CTNND2: variants seen among roughly 807,000 people sequenced by gnomAD.
The protein encoded by CTNND2 is catenin delta 2.
Under a neutral mutation model 144.4 loss-of-function variants are expected in CTNND2, and 22 were observed. The observed-to-expected ratio is 0.15, with a 90% confidence interval of 0.11 to 0.22. The LOEUF (loss-of-function observed/expected upper bound fraction) is 0.22. CTNND2 is among the 10% of genes least tolerant of loss of function. CTNND2 has a pLI of 1.00. For synonymous variants in CTNND2, 751 were observed against 695.6 expected, an observed-to-expected ratio of 1.08 and a Z score of -1.25; for missense variants, 1,353 against 1,618.8, an observed-to-expected ratio of 0.84 and a Z score of 2.82.
intron 9 of CTNND2, among the ~76,000 whole-genome samples, chr5:11,278,128 G>A (rs1047485432): frequency 2.0e-5 from 3 of 151,816 alleles, no homozygotes; most frequent in Non-Finnish European, 2.9e-5. Context: ...TGTTCTCCTC[G>A]TCCCTCCCCA....
chr5:11,474,533 C>T (rs1767537864), intron 3 of CTNND2, among the ~76,000 whole-genome samples: 1 of 152,124 alleles, frequency 6.6e-6, no homozygotes, highest in South Asian at 2.1e-4. Flanking sequence ...TCTGGGGCAG[C>T]TTTCAAAAGG....
chr5:11,579,867 C>A (rs573697260), intron 2 of CTNND2, among the ~76,000 whole-genome samples: 19 of 152,194 alleles, frequency 1.2e-4, no homozygotes, highest in Non-Finnish European at 2.4e-4. Context: ...CCACTGGCCT[C>A]CCCGGCTGCG....
At chr5:11,197,101 T>C (rs527452233) in intron 11 of CTNND2, among the ~76,000 whole-genome samples, 57 of 152,346 alleles carry the variant, frequency 3.7e-4, no homozygotes, top group Admixed American at 3.3e-4. Flanking sequence ...CACACTAGAA[T>C]GTTCTCCTAG....
intron 3 of CTNND2, among the ~76,000 whole-genome samples, chr5:11,495,753 A>G (rs887283207): frequency 7.9e-5 from 12 of 152,294 alleles, no homozygotes; most frequent in Non-Finnish European, 1.8e-4. Flanking sequence ...CTTGAAGTTC[A>G]GCTCTTAAGT....
At chr5:11,577,871 C>T (rs1194731840) in intron 2 of CTNND2, among the ~76,000 whole-genome samples, 1 of 152,150 alleles carries the variant, frequency 6.6e-6, no homozygotes, top group Non-Finnish European at 1.5e-5. Context: ...ATGTTTTTGA[C>T]ATTTGAGGGT....
chr5:11,752,475 G>A (rs1788676645), intron 1 of CTNND2, among the ~76,000 whole-genome samples: 1 of 151,056 alleles, frequency 6.6e-6, no homozygotes, highest in Non-Finnish European at 1.5e-5. Flanking sequence ...ATGTCCATTA[G>A]ATGGTTGCAG....
intron 1 of CTNND2, among the ~76,000 whole-genome samples, chr5:11,878,126 G>C (rs2044060130): frequency 6.6e-6 from 1 of 152,104 alleles, no homozygotes; most frequent in Non-Finnish European, 1.5e-5. Flanking sequence ...AACAGAAATT[G>C]TAAAAGCAAT....
intron 15 of CTNND2, among the ~76,000 whole-genome samples, chr5:11,097,654 T>G (rs935511932): frequency 6.6e-6 from 1 of 152,152 alleles, no homozygotes; most frequent in Non-Finnish European, 1.5e-5. Flanking sequence ...TACATAATGT[T>G]GAGGCCAGGG....
intron 2 of CTNND2, among the ~76,000 whole-genome samples, chr5:11,651,990 G>A (rs1356315958): frequency 1.3e-5 from 2 of 152,160 alleles, no homozygotes; most frequent in East Asian, 1.9e-4. Flanking sequence ...TCAGACTTGG[G>A]GGACTGTTGA....
chr5:11,487,348 TTTTCC>T (rs1186213095), intron 3 of CTNND2, among the ~76,000 whole-genome samples: 3 of 152,224 alleles, frequency 2.0e-5, no homozygotes, highest in African/African-American at 7.2e-5. Context: ...TAGTGTCATG[TTTTCC>T]TTTATGTCCA....
At chr5:11,198,904 T>C (rs1315611442) in intron 11 of CTNND2, among the ~76,000 whole-genome samples, 1 of 152,222 alleles carries the variant, frequency 6.6e-6, no homozygotes, top group Non-Finnish European at 1.5e-5. Flanking sequence ...GTGGCTACTA[T>C]AATTATCTCC....
chr5:11,523,069 G>C (rs1772901142), intron 3 of CTNND2, among the ~76,000 whole-genome samples: 1 of 152,138 alleles, frequency 6.6e-6, no homozygotes, highest in Non-Finnish European at 1.5e-5. Flanking sequence ...GAATATGCAA[G>C]TTTTTCTACA....
intron 2 of CTNND2, among the ~76,000 whole-genome samples, chr5:11,726,729 A>G (rs976858179): frequency 3.3e-5 from 5 of 152,224 alleles, no homozygotes; most frequent in East Asian, 1.9e-4. Flanking sequence ...AATCTAGCAT[A>G]TAACACCCTA....
At chr5:11,575,286 C>A (rs1777892065) in intron 2 of CTNND2, among the ~76,000 whole-genome samples, 1 of 152,110 alleles carries the variant, frequency 6.6e-6, no homozygotes, top group South Asian at 2.1e-4. Context: ...TGGATGGATG[C>A]CTTACTTGAC....
chr5:11,733,953 G>T (rs529103656), intron 1 of CTNND2, among the ~76,000 whole-genome samples: 1 of 152,216 alleles, frequency 6.6e-6, no homozygotes, highest in African/African-American at 2.4e-5. Context: ...TAGGAGGAGG[G>T]GCCTTTGAGA....
chr5:11,066,412 G>A (rs1157283066), intron 16 of CTNND2, among the ~76,000 whole-genome samples: 1 of 152,150 alleles, frequency 6.6e-6, no homozygotes, highest in Non-Finnish European at 1.5e-5. Flanking sequence ...TCAATCAATT[G>A]TCAACCAGAA....
chr5:11,124,648 T>C (rs1754490954), intron 12 of CTNND2, among the ~76,000 whole-genome samples: 1 of 152,134 alleles, frequency 6.6e-6, no homozygotes, highest in Non-Finnish European at 1.5e-5. Flanking sequence ...TTTTAAAAAA[T>C]GTAAAACCTG....
At chr5:11,463,678 C>T (rs898278861) in intron 3 of CTNND2, among the ~76,000 whole-genome samples, 17 of 147,668 alleles carry the variant, frequency 1.2e-4, no homozygotes, top group East Asian at 2.0e-4. Flanking sequence ...ACATGGGGTG[C>T]TTCATTAAAA....
rs1010818509 is a variant in CTNND2 at position 10,973,066 on chromosome 5, G to C, written c.*387C>G. ...GATGAAGAGAGTAAACAAAGCGTGA[G>C]AAGCCGTCCCCCACACAGTGTGTAA... On this transcript the variant is annotated 3_prime_UTR_variant, in exon 22 of 22. Coordinates refer to ENST00000304623, the MANE Select transcript of CTNND2 (RefSeq NM_001332.4). This position sits in a 1 kb window ranked among gnomAD's most constrained non-coding sequence, Gnocchi z 5.6. 2 of 163,136 alleles carry C rather than the reference G, an allele frequency of 1.2e-5. No homozygotes were observed. The highest frequency in any genetic ancestry group is 4.8e-5 in the African/African-American group (2 of 41,916). The allele number at this position is 163,136 out of a possible 1,614,324, so 10.1% of individuals were successfully genotyped here.
Sources: gnomAD v4.1 joint callset for allele counts (sites outside exome capture counted in the v4.1 genomes callset) on GRCh38, gnomAD v4.1.1 for gene constraint, Gnocchi (gnomAD v3.1) non-coding constraint, MANE v1.5 for transcripts, NCBI Gene and HGNC (gene_info 2026-07-23, HGNC 2026-07-21) for gene names.